SLC35F2: variants seen among roughly 807,000 people sequenced by gnomAD.
SLC35F2 encodes solute carrier family 35 member F2.
Under a neutral mutation model 38.1 loss-of-function variants are expected in SLC35F2, and 25 were observed. That is an observed-to-expected ratio of 0.66 (90% CI 0.48 to 0.92). The LOEUF is 0.92. Among genes scored for constraint, SLC35F2 ranks in the 40% least tolerant of loss-of-function variants. The probability of loss-of-function intolerance (pLI) is 0.00; values close to 1 mark genes in which losing one functional copy is unlikely to be tolerated. For missense variants in SLC35F2, 409 were observed against 452.9 expected (o/e 0.90, Z 0.88); for synonymous variants, 173 against 181.7 (o/e 0.95, Z 0.38).
At chr11:107,803,572 T>C (rs1469406044) in intron 6 of SLC35F2, 1 of 857,084 alleles carries the variant, frequency 1.2e-6, no homozygotes, top group Non-Finnish European at 1.4e-6. Flanking sequence ...ACATGATTTG[T>C]ATAATTGGAT....
chr11:107,807,284 A>C (rs201631236), intron 3 of SLC35F2, among the ~76,000 whole-genome samples: 7,924 of 97,456 alleles, frequency 0.081, 671 homozygotes, highest in East Asian at 0.23. Flanking sequence ...AAAAAAAAAA[A>C]AACAACAACA....
intron 7 of SLC35F2, among the ~76,000 whole-genome samples, chr11:107,795,269 T>C (rs888009213): frequency 2.6e-5 from 4 of 152,118 alleles, no homozygotes; most frequent in African/African-American, 7.2e-5. Flanking sequence ...ATGGTATTAG[T>C]ATAAAATGAA....
At position 107,815,780 on chromosome 11, in the gene SLC35F2, T is replaced by A; in HGVS notation, c.286+10A>T. The A allele has an allele frequency of 6.4e-7, 1 of 1,574,058 alleles. No individual in the cohort carries two copies. The highest frequency in any genetic ancestry group is 8.6e-7 in the Non-Finnish European group (1 of 1,161,780). ...TTTTGTTGAAAAGATAATTTCCACA[T>A]TTGACATACCTGATCGAAATGCCAG... is the stretch of plus-strand genomic sequence containing the variant. On this transcript the variant is annotated intron_variant, in intron 2 of 7. Transcript: ENST00000525815.
At chr11:107,834,413 G>A (rs1859897948) in intron 1 of SLC35F2, among the ~76,000 whole-genome samples, 1 of 152,208 alleles carries the variant, frequency 6.6e-6, no homozygotes, top group Admixed American at 6.5e-5. Context: ...CACTTTGGGA[G>A]GCTAAGGTGG....
At chr11:107,856,455 G>C (rs1860282534) in intron 1 of SLC35F2, among the ~76,000 whole-genome samples, 1 of 152,200 alleles carries the variant, frequency 6.6e-6, no homozygotes, top group Non-Finnish European at 1.5e-5. Context: ...ACTACTTTGG[G>C]AGGCGGAGGT....
intron 1 of SLC35F2, among the ~76,000 whole-genome samples, chr11:107,837,295 G>A (rs551777642): frequency 6.6e-6 from 1 of 152,230 alleles, no homozygotes; most frequent in African/African-American, 2.4e-5. Flanking sequence ...CAGCATTTAA[G>A]TCTTTTAACC....
chr11:107,828,752 A>C (rs1209488290), intron 1 of SLC35F2, among the ~76,000 whole-genome samples: 2 of 152,182 alleles, frequency 1.3e-5, no homozygotes, highest in African/African-American at 4.8e-5. Context: ...GAAAGAGACA[A>C]GAAAAAATTA....
intron 1 of SLC35F2, among the ~76,000 whole-genome samples, chr11:107,852,610 C>A (rs1324885185): frequency 1.3e-5 from 2 of 151,952 alleles, no homozygotes; most frequent in Non-Finnish European, 2.9e-5. Context: ...TGGCTCATGC[C>A]TGTAATCCCA....
At chr11:107,793,336 T>C (rs1859164073) in intron 7 of SLC35F2, among the ~76,000 whole-genome samples, 1 of 152,202 alleles carries the variant, frequency 6.6e-6, no homozygotes, top group Admixed American at 6.5e-5. Context: ...ACCTGGATCC[T>C]TGGATCTTTA....
Position 107,791,185 on chromosome 11 carries a change from T to G in SLC35F2, c.*1430A>C, listed in dbSNP as rs1364836267. 6.6e-6 allele frequency: 1 copy of G among 152,666 alleles called. No individual in the cohort carries two copies. The highest frequency in any genetic ancestry group is 2.4e-5 in the African/African-American group (1 of 41,468). The allele number at this position is 152,666 out of a possible 1,614,324, so 9.5% of individuals were successfully genotyped here. A position where few individuals can be genotyped will look rare whatever the true frequency, so the allele number is the denominator to read the frequency against. On this transcript the variant is annotated 3_prime_UTR_variant, in exon 8 of 8. Coordinates refer to ENST00000525815, the MANE Select transcript of SLC35F2 (RefSeq NM_017515.5). ...ATCACAGGGCATTACAGATTTTTGA[T>G]AAGAAGTAGTAATAGCATTGTCTTT... is the stretch of plus-strand genomic sequence containing the variant.
At chr11:107,849,418 C>T (rs374172167) in intron 1 of SLC35F2, among the ~76,000 whole-genome samples, 1 of 152,074 alleles carries the variant, frequency 6.6e-6, no homozygotes, top group African/African-American at 2.4e-5. Flanking sequence ...GTGGGCAGAT[C>T]ACCTGAAGTC....
At chr11:107,805,141 CAT>C (rs780015454) in intron 5 of SLC35F2, 87 of 985,396 alleles carry the variant, frequency 8.8e-5, no homozygotes, top group East Asian at 6.8e-4. Flanking sequence ...AAGCAACACA[CAT>C]GTTTAAGAAA....
At chr11:107,794,370 C>T (rs555618928) in intron 7 of SLC35F2, among the ~76,000 whole-genome samples, 9 of 152,246 alleles carry the variant, frequency 5.9e-5, no homozygotes, top group South Asian at 4.1e-4. Context: ...TGAGCTACCA[C>T]GCCTGGCCAT....
intron 2 of SLC35F2, among the ~76,000 whole-genome samples, chr11:107,814,121 G>C (rs1415719678): frequency 1.3e-5 from 2 of 152,140 alleles, no homozygotes; most frequent in African/African-American, 4.8e-5. Context: ...TCAAAAGCAA[G>C]TAGTAAACTT....
intron 4 of SLC35F2, among the ~76,000 whole-genome samples, chr11:107,806,340 T>G (rs12804204): frequency 0.059 from 8,917 of 152,282 alleles, 306 homozygotes; most frequent in East Asian, 0.15. Context: ...AACTCACTTG[T>G]AGACTGGGTG....
In SLC35F2 at chr11:107,805,464, T is replaced by C. The variant is rs374815759; in HGVS notation, c.626A>G (p.Tyr209Cys). ...DILVLLGASL[Y>C]AISNVCEEYI... ...TTCCTCACAAACATTTGAAATGGCA[T>C]AGAGGGAAGCCCCAAGAAGGACCAA... The change falls in exon 5 of 8, where the codon TAT (tyrosine) becomes TGT (cysteine). Residue 209 changes from tyrosine to cysteine, a missense_variant. Transcript: ENST00000525815. 1.2e-6 allele frequency: 2 copies of C among 1,614,056 alleles called. No homozygotes were observed. The highest frequency in any genetic ancestry group is 1.7e-5 in the Admixed American group (1 of 60,002).
At chr11:107,837,066 G>T (rs189469031) in intron 1 of SLC35F2, among the ~76,000 whole-genome samples, 30 of 152,276 alleles carry the variant, frequency 2.0e-4, no homozygotes, top group African/African-American at 7.0e-4. Flanking sequence ...AGAAACTGCT[G>T]AACTAGTTCC....
At chr11:107,831,079 G>C (rs1024597103) in intron 1 of SLC35F2, among the ~76,000 whole-genome samples, 5 of 152,124 alleles carry the variant, frequency 3.3e-5, no homozygotes, top group Admixed American at 6.6e-5. Flanking sequence ...TCCAGGATAT[G>C]AATCAATACG....
chr11:107,852,595 C>T (rs183449722), intron 1 of SLC35F2, among the ~76,000 whole-genome samples: 131 of 151,472 alleles, frequency 8.6e-4, no homozygotes, highest in Middle Eastern at 3.4e-3. Context: ...ACTGGCTGGG[C>T]GCAGTGGCTC....
Sources: gnomAD v4.1 joint callset for allele counts (sites outside exome capture counted in the v4.1 genomes callset) on GRCh38, gnomAD v4.1.1 for gene constraint, MANE v1.5 for transcripts, NCBI Gene and HGNC (gene_info 2026-07-23, HGNC 2026-07-21) for gene names.